Variants in SCYL2 observed in about 807,000 individuals in gnomAD.
The protein encoded by SCYL2 is SCY1-like protein 2.
A neutral mutation model predicts 100.4 loss-of-function variants in SCYL2; 36 were observed. The ratio of observed to expected loss-of-function variants is 0.36; its 90% confidence interval spans 0.27 to 0.47. The LOEUF (loss-of-function observed/expected upper bound fraction) is 0.47, where lower values mean the gene tolerates loss of function less well. Among genes scored for constraint, SCYL2 ranks in the 20% least tolerant of loss-of-function variants. SCYL2 has a pLI of 1.00. For synonymous variants in SCYL2, 330 were observed against 359.2 expected (o/e 0.92, Z 0.92); for missense variants, 902 against 1,083.9 (o/e 0.83, Z 2.36).
At position 100,341,122 on chromosome 12, in the gene SCYL2, T is replaced by A. The variant is rs1462947961; in HGVS notation, c.*1950T>A. 1 of 152,124 alleles carries A rather than the reference T, an allele frequency of 6.6e-6. No individual in the cohort carries two copies. Among genetic ancestry groups the A allele is most frequent in the Non-Finnish European group, 1.5e-5 (1 of 67,942 alleles). The allele number at this position is 152,124 out of a possible 1,614,324, so 9.4% of individuals were successfully genotyped here. A position where few individuals can be genotyped will look rare whatever the true frequency, so the allele number is the denominator to read the frequency against. On this transcript the variant is annotated 3_prime_UTR_variant, in exon 18 of 18. Coordinates refer to ENST00000360820, the MANE Select transcript of SCYL2 (RefSeq NM_017988.6). ...AAAAAATACAGTATGTAAAATTTGT[T>A]CATTCGTTGAGGTAATGGTGCTATG...
chr12:100,339,008 A>C lies in SCYL2; in HGVS notation c.2626A>C (p.Thr876Pro). 6.2e-7 allele frequency: 1 copy of C among 1,614,150 alleles called. No homozygotes were observed. The highest frequency in any genetic ancestry group is 2.2e-5 in the East Asian group (1 of 44,886). ...GTTTGTACCTCCTCAAGGTTCTCCA[A>C]CTATGGGCAGTTCAGTAATGGGGAC... ...NQFVPPQGSP[T>P]MGSSVMGTQM... The change falls in exon 18 of 18, where the codon ACT becomes CCT. Residue 876 changes from threonine to proline, a missense_variant. Thr to Pro is a conservative substitution (Grantham distance 38). Coordinates refer to ENST00000360820, the MANE Select transcript of SCYL2 (RefSeq NM_017988.6).
At position 100,338,967 on chromosome 12, in the gene SCYL2, A is replaced by G; in HGVS notation, c.2585A>G (p.Asn862Ser). Residue 862 changes from asparagine (N) to serine (S), a missense_variant, in exon 18 of 18, where the codon AAT (asparagine) becomes AGT (serine). By Grantham distance (46) the Asn-to-Ser change is conservative. Transcript: ENST00000360820. ...SMNQLSQQKP[N>S]QWLNQFVPPQ... ...AACCAGTTATCACAACAGAAACCAA[A>G]TCAGTGGCTTAATCAGTTTGTACCT... The G allele has an allele frequency of 6.2e-7, 1 of 1,614,134 alleles. No individual in the cohort carries two copies. Among genetic ancestry groups the G allele is most frequent in the East Asian group, 2.2e-5 (1 of 44,888 alleles).
chr12:100,337,545 A>G, intron 17 of SCYL2, 39 bp downstream of exon 17: 1 of 1,589,048 alleles, frequency 6.3e-7, no homozygotes, highest in Non-Finnish European at 8.6e-7. Flanking sequence ...CCAGAATACG[A>G]CTGTTAAGGA....
At position 100,267,248 on chromosome 12, in the gene SCYL2, C is replaced by G; in HGVS notation, c.-573C>G. On this transcript the variant is annotated 5_prime_UTR_variant, in exon 1 of 18. Transcript: ENST00000360820. Reference sequence around the variant, plus strand: ...CCCACCCCTTTCCTTCTAGCTCCGACGTTTGCGGCCGCGGGGGCGGCGGAG... The same window carrying G: ...CCCACCCCTTTCCTTCTAGCTCCGAGGTTTGCGGCCGCGGGGGCGGCGGAG... 1 of 664,366 alleles carries G rather than the reference C, an allele frequency of 1.5e-6. No homozygotes were observed. Among genetic ancestry groups the G allele is most frequent in the South Asian group, 2.1e-5 (1 of 47,284 alleles). The allele number at this position is 664,366 out of a possible 1,614,324, so 41.2% of individuals were successfully genotyped here.
intron 2 of SCYL2, among the ~76,000 whole-genome samples, 154 bp downstream of exon 2, chr12:100,283,301 A>G (rs2096300893): frequency 6.6e-6 from 1 of 152,206 alleles, no homozygotes; most frequent in African/African-American, 2.4e-5. Flanking sequence ...AAGTCATACA[A>G]AAAAACAAAT....
At chr12:100,317,605 A>C (rs1467829840) in intron 9 of SCYL2, 198 bp from the exon 10 acceptor site, 2 of 1,238,860 alleles carry the variant, frequency 1.6e-6, no homozygotes, top group African/African-American at 3.1e-5. Flanking sequence ...ATTTAAACTC[A>C]GAGCAGATGT....
rs1283273989 is a variant in SCYL2 at position 100,282,969 on chromosome 12, C to T, written c.-2C>T. ...TAACTATAACTACCCAATATTGCAGCCATGGAGTCCATGCTTAATAAATTG... is the reference window on the plus strand; with the variant it reads ...TAACTATAACTACCCAATATTGCAGTCATGGAGTCCATGCTTAATAAATTG... On this transcript the variant is annotated 5_prime_UTR_variant, in exon 2 of 18. Coordinates refer to ENST00000360820, the MANE Select transcript of SCYL2 (RefSeq NM_017988.6). The T allele has an allele frequency of 2.5e-6, 4 of 1,589,284 alleles. No homozygotes were observed. The highest frequency in any genetic ancestry group is 1.1e-5 in the South Asian group (1 of 87,434).
chr12:100,338,326 C>G (rs1031015798), intron 17 of SCYL2, among the ~76,000 whole-genome samples: 1 of 152,034 alleles, frequency 6.6e-6, no homozygotes, highest in African/African-American at 2.4e-5. Context: ...ATCATCAAAT[C>G]GATTGCAAAT....
At chr12:100,281,724 CTCGGGAGGCTGAG>C (rs2096298611) in intron 1 of SCYL2, among the ~76,000 whole-genome samples, 1 of 151,646 alleles carries the variant, frequency 6.6e-6, no homozygotes, top group Non-Finnish European at 1.5e-5. Context: ...GTCCCAGCTA[CTCGGGAGGCTGAG>C]GCAGGAGAAT....
chr12:100,317,034 T>C (rs1025573444), intron 9 of SCYL2, among the ~76,000 whole-genome samples: 17 of 150,980 alleles, frequency 1.1e-4, no homozygotes, highest in African/African-American at 4.1e-4. Flanking sequence ...AGGTCGAGGC[T>C]GCGGTAAGCT....
chr12:100,308,486 C>T lies in SCYL2; in HGVS notation c.481-2558C>T, dbSNP rs181151672. On this transcript the variant is annotated intron_variant, in intron 4 of 17. Coordinates refer to ENST00000360820, the MANE Select transcript of SCYL2 (RefSeq NM_017988.6). ...GGAGCATCACACACTGGGGCCTGTC[C>T]GGGGGTGGGGGACTAGGGAAGGGAT... 1.7e-4 allele frequency among the ~76,000 whole-genome samples: 26 copies of T among 151,752 alleles called. 1 individual carries two copies. In the East Asian group the frequency reaches 2.9e-3, roughly 17 times the overall value.
chr12:100,267,187 C>A lies in SCYL2; in HGVS notation c.-634C>A, dbSNP rs1015030866. 5 of 1,212,978 alleles carry A rather than the reference C, an allele frequency of 4.1e-6. No homozygotes were observed. The highest frequency in any genetic ancestry group is 2.2e-5 in the Admixed American group (1 of 45,250). The allele number at this position is 1,212,978 out of a possible 1,614,324, so 75.1% of individuals were successfully genotyped here. ...GCCGGCAGGTCTTTTAGTCTTTTTC[C>A]CCCTCCCTTACTCTTCGTCCCCGGT... On this transcript the variant is annotated 5_prime_UTR_variant, in exon 1 of 18. Transcript: ENST00000360820.
In SCYL2 at chr12:100,317,789, C is replaced by T. The variant is rs748529934; in HGVS notation, c.1273-14C>T. ...ATTCCAGGTTTTAATACATTGTTTC[C>T]GTTTTCTAAACAGATTTTGTTAATT... On this transcript the variant is annotated splice_polypyrimidine_tract_variant and intron_variant, in intron 9 of 17. Coordinates refer to ENST00000360820, the MANE Select transcript of SCYL2 (RefSeq NM_017988.6). 6.2e-5 allele frequency: 98 copies of T among 1,582,878 alleles called. No homozygotes were observed. In the East Asian group the frequency reaches 1.8e-3, roughly 29 times the overall value.
At chr12:100,313,161 G>A (rs1250698627) in intron 6 of SCYL2, among the ~76,000 whole-genome samples, 1 of 152,052 alleles carries the variant, frequency 6.6e-6, no homozygotes, top group Non-Finnish European at 1.5e-5. Context: ...AAATAAAGAG[G>A]ACTAGTTAAA....
intron 2 of SCYL2, among the ~76,000 whole-genome samples, chr12:100,286,252 G>A (rs2096304304): frequency 6.6e-6 from 1 of 152,098 alleles, no homozygotes; most frequent in African/African-American, 2.4e-5. Context: ...AAAAAAATGT[G>A]TGTGTATGTG....
chr12:100,326,826 A>G, intron 12 of SCYL2, 72 bp downstream of exon 12: 9 of 1,296,952 alleles, frequency 6.9e-6, no homozygotes, highest in Non-Finnish European at 9.7e-6. Flanking sequence ...TAAAACAATT[A>G]TACTCTCCTT....
intron 4 of SCYL2, among the ~76,000 whole-genome samples, chr12:100,306,268 A>G (rs1200941838): frequency 6.6e-6 from 1 of 152,184 alleles, no homozygotes; most frequent in Non-Finnish European, 1.5e-5. Context: ...AATACTGACA[A>G]ACCGAATCCA....
intron 1 of SCYL2, among the ~76,000 whole-genome samples, chr12:100,272,826 TA>T (rs1186379801): frequency 3.3e-5 from 5 of 152,182 alleles, no homozygotes; most frequent in Non-Finnish European, 5.9e-5. Flanking sequence ...CTTCTCCCTT[TA>T]AAAATTTGTT....
In SCYL2 at chr12:100,267,236, T is replaced by G. The variant is rs1194864950; in HGVS notation, c.-585T>G. 4.1e-6 allele frequency: 3 copies of G among 727,224 alleles called. No individual in the cohort carries two copies. The highest frequency in any genetic ancestry group is 3.7e-5 in the African/African-American group (2 of 54,322). 45.0% of individuals were successfully genotyped at this position (727,224 alleles called of 1,614,324 possible). On this transcript the variant is annotated 5_prime_UTR_variant, in exon 1 of 18. Transcript: ENST00000360820. ...GTCCCTCCCCTCCCCACCCCTTTCCTTCTAGCTCCGACGTTTGCGGCCGCG... is the reference window on the plus strand; with the variant it reads ...GTCCCTCCCCTCCCCACCCCTTTCCGTCTAGCTCCGACGTTTGCGGCCGCG...
Sources: gnomAD v4.1 joint callset for allele counts (sites outside exome capture counted in the v4.1 genomes callset) on GRCh38, gnomAD v4.1.1 for gene constraint, MANE v1.5 for transcripts, NCBI Gene and HGNC (gene_info 2026-07-23, HGNC 2026-07-21) for gene names.